The following C9 variants were observed in gnomAD, a reference collection of about 807,000 sequenced individuals.
The protein encoded by C9 is complement component C9.
In C9, 63 loss-of-function variants were observed where a neutral mutation model predicts 65.4. That is an observed-to-expected ratio of 0.96 (90% confidence interval 0.79 to 1.19). The LOEUF is 1.19. Ranked by LOEUF, C9 falls within the 50% of genes most tolerant of loss-of-function variation. The pLI, the probability that C9 is intolerant of heterozygous loss-of-function variation, is 0.00. For missense variants in C9, 744 were observed against 670.1 expected, an observed-to-expected ratio of 1.11 and a Z score of -1.22; for synonymous variants, 229 against 227.9, an observed-to-expected ratio of 1.00 and a Z score of -0.04.
At chr5:39,313,661 T>C (rs911251921) in intron 6 of C9, among the ~76,000 whole-genome samples, 2 of 152,202 alleles carry the variant, frequency 1.3e-5, no homozygotes, top group African/African-American at 4.8e-5. Flanking sequence ...CACTTTTTGG[T>C]TTCTTTTACT....
intron 4 of C9, among the ~76,000 whole-genome samples, chr5:39,339,946 G>A (rs1031450449): frequency 9.2e-5 from 14 of 152,098 alleles, no homozygotes; most frequent in Middle Eastern, 6.8e-3. Flanking sequence ...GGCGTGACCC[G>A]CCGCAGATAT....
rs781774653 is a variant in C9, at chr5:39,341,171, CAG to C, written c.449_450del (p.Ser150Ter). On this transcript the variant is annotated frameshift_variant, in exon 4 of 11. Coordinates refer to ENST00000263408, the MANE Select transcript of C9 (RefSeq NM_001737.5). LOFTEE classifies it high-confidence loss of function. ...PPCRDRVVEE[S>X]ELARTAGYGI... is the part of the protein sequence containing the mutation. ...CCATAGCCTGCTGTTCGTGCCAGCTCAGACTCTTCTACCACTCTGTCTCTGCA... is the reference window on the plus strand; with the variant it reads ...CCATAGCCTGCTGTTCGTGCCAGCTCACTCTTCTACCACTCTGTCTCTGCA... The C allele has an allele frequency of 3.1e-6, 5 of 1,614,102 alleles. No homozygotes were observed. Among genetic ancestry groups the C allele is most frequent in the Non-Finnish European group, 4.2e-6 (5 of 1,180,042 alleles).
chr5:39,354,263 C>G (rs918780034), intron 1 of C9, among the ~76,000 whole-genome samples: 3 of 152,158 alleles, frequency 2.0e-5, no homozygotes, highest in Non-Finnish European at 4.4e-5. Context: ...CAGGCCACAT[C>G]AAGAGGCAAT....
rs1247224242 is a variant in C9, at chr5:39,299,863, A to G, written c.1416+6754T>C. On this transcript the variant is annotated intron_variant, in intron 9 of 10. Transcript: ENST00000263408. ...TAATTACATTAAAATGTATCTATAT[A>G]CTACTCACTAAAAACCAAGATATAA... 2.6e-5 allele frequency among the ~76,000 whole-genome samples: 4 copies of G among 152,272 alleles called. No individual in the cohort carries two copies. In the East Asian group the frequency reaches 7.7e-4, roughly 29 times the overall value.
chr5:39,363,770 T>G (rs1177935441), intron 1 of C9, among the ~76,000 whole-genome samples: 4 of 152,222 alleles, frequency 2.6e-5, no homozygotes, highest in African/African-American at 9.7e-5. Context: ...CCATGGGCTT[T>G]GCAATTCCGA....
chr5:39,333,962 C>T (rs926016882), intron 4 of C9, among the ~76,000 whole-genome samples: 78 of 152,318 alleles, frequency 5.1e-4, no homozygotes, highest in Non-Finnish European at 5.1e-4. Context: ...CGGCTCGCTG[C>T]AGCCTCCACC....
chr5:39,355,340 A>G (rs962521872), intron 1 of C9, among the ~76,000 whole-genome samples: 14 of 152,218 alleles, frequency 9.2e-5, no homozygotes, highest in African/African-American at 3.4e-4. Flanking sequence ...CCCTGCTCCA[A>G]TGATACTGGC....
At chr5:39,321,017 G>A (rs1018965306) in intron 5 of C9, among the ~76,000 whole-genome samples, 2 of 151,984 alleles carry the variant, frequency 1.3e-5, no homozygotes, top group Admixed American at 6.6e-5. Flanking sequence ...CTTCCTATAA[G>A]AAATGCTAAA....
At chr5:39,288,431 CTGA>C (rs1240704557) in intron 10 of C9, among the ~76,000 whole-genome samples, 1 of 151,404 alleles carries the variant, frequency 6.6e-6, no homozygotes, top group African/African-American at 2.4e-5. Context: ...TAGTGAATAC[CTGA>C]TGTTTGTTGT....
intron 4 of C9, among the ~76,000 whole-genome samples, chr5:39,332,476 A>G (rs1268028305): frequency 1.3e-5 from 2 of 152,240 alleles, no homozygotes; most frequent in African/African-American, 4.8e-5. Context: ...ATTCATAAAT[A>G]TAAATTTTAT....
intron 5 of C9, among the ~76,000 whole-genome samples, chr5:39,321,424 C>T (rs1753666094): frequency 6.6e-6 from 1 of 151,796 alleles, no homozygotes; most frequent in Non-Finnish European, 1.5e-5. Context: ...ATAATAGACA[C>T]AGAAAACATA....
Position 39,331,828 on chromosome 5 carries a change from G to C in C9, c.477-14C>G, listed in dbSNP as rs751647503. 1.2e-6 allele frequency: 2 copies of C among 1,611,896 alleles called. No homozygotes were observed. The highest frequency in any genetic ancestry group is 8.5e-7 in the Non-Finnish European group (1 of 1,178,106). ...AAAATGTTGATCCTGAGAATGAACA[G>C]AGTAGTATCAGAAGTGGAAATACCA... On this transcript the variant is annotated splice_polypyrimidine_tract_variant and intron_variant, in intron 4 of 10. Coordinates refer to ENST00000263408, the MANE Select transcript of C9 (RefSeq NM_001737.5).
intron 5 of C9, among the ~76,000 whole-genome samples, chr5:39,327,823 G>T (rs1024162863): frequency 1.3e-5 from 2 of 152,180 alleles, no homozygotes; most frequent in Admixed American, 6.5e-5. Context: ...ACTCTGGAAA[G>T]AGTTCAATAC....
chr5:39,322,218 T>C (rs905926020), intron 5 of C9, among the ~76,000 whole-genome samples: 2 of 151,816 alleles, frequency 1.3e-5, no homozygotes, highest in African/African-American at 4.8e-5. Context: ...AATTCACAAA[T>C]ATGGAAAAAT....
In C9 at chr5:39,285,013, A is replaced by T. The variant is rs183061736; in HGVS notation, c.*186T>A. 312 of 582,794 alleles carry T rather than the reference A, an allele frequency of 5.4e-4. 2 individuals are homozygous for T. In the East Asian group the frequency reaches 7.8e-3, roughly 15 times the overall value. 36.1% of individuals were successfully genotyped at this position (582,794 alleles called of 1,614,324 possible). ...TTAGGGAACAAAAAATGGAAACATC[A>T]CAGGAGTTTAAGGAAGAAAAATTTA... is the stretch of plus-strand genomic sequence containing the variant. On this transcript the variant is annotated 3_prime_UTR_variant, in exon 11 of 11. Coordinates refer to ENST00000263408, the MANE Select transcript of C9 (RefSeq NM_001737.5).
At chr5:39,334,594 C>G (rs1186605076) in intron 4 of C9, among the ~76,000 whole-genome samples, 1 of 150,234 alleles carries the variant, frequency 6.7e-6, no homozygotes, top group Admixed American at 6.6e-5. Flanking sequence ...GCCCGGCCAG[C>G]TGCCCCGTCT....
In C9 at chr5:39,284,500, T is replaced by C. The variant is rs1752952815; in HGVS notation, c.*699A>G. 6.6e-6 allele frequency: 1 copy of C among 152,244 alleles called. No homozygotes were observed. Among genetic ancestry groups the C allele is most frequent in the South Asian group, 2.1e-4 (1 of 4,830 alleles). 9.4% of individuals were successfully genotyped at this position (152,244 alleles called of 1,614,324 possible). On this transcript the variant is annotated 3_prime_UTR_variant, in exon 11 of 11. Coordinates refer to ENST00000263408, the MANE Select transcript of C9 (RefSeq NM_001737.5). ...AGGAATTTCACATAATTTAAACTAATAGTTTATGTTCATTCTATTCTGCTA... is the reference window on the plus strand; with the variant it reads ...AGGAATTTCACATAATTTAAACTAACAGTTTATGTTCATTCTATTCTGCTA...
intron 5 of C9, among the ~76,000 whole-genome samples, chr5:39,321,294 G>A (rs1169457606): frequency 6.6e-6 from 1 of 152,062 alleles, no homozygotes; most frequent in Non-Finnish European, 1.5e-5. Flanking sequence ...GAGGAAAAGT[G>A]TAGAAGTTTT....
chr5:39,295,910 G>A (rs1229228960), intron 9 of C9, among the ~76,000 whole-genome samples: 1 of 151,538 alleles, frequency 6.6e-6, no homozygotes, highest in Non-Finnish European at 1.5e-5. Flanking sequence ...TTTGACAAAA[G>A]TACCAAGAAA....
Sources: gnomAD v4.1 joint callset for allele counts (sites outside exome capture counted in the v4.1 genomes callset) on GRCh38, gnomAD v4.1.1 for gene constraint, MANE v1.5 for transcripts, NCBI Gene and HGNC (gene_info 2026-07-23, HGNC 2026-07-21) for gene names.